The following ADGB variants were observed in gnomAD, a reference collection of about 807,000 sequenced individuals.
ADGB encodes the protein androglobin.
A neutral mutation model predicts 210.5 loss-of-function variants in ADGB; 172 were observed. The observed-to-expected ratio is 0.82, with a 90% CI of 0.72 to 0.93. ADGB has a LOEUF of 0.93. ADGB is among the 40% of genes least tolerant of loss of function. The probability of loss-of-function intolerance (pLI) is 0.00; values close to 1 mark genes in which losing one functional copy is unlikely to be tolerated. For missense variants in ADGB, 2,025 were observed against 1,964.8 expected (o/e 1.03, Z -0.58); for synonymous variants, 658 against 662.7 (o/e 0.99, Z 0.11).
chr6:146,617,725 T>C lies in ADGB; in HGVS notation c.75-17650T>C, dbSNP rs188743568. ...CATATGGTTTTTCTTCTTGATTCCA[T>C]TGATGCTATGCGTCTCTTATTGATT... On this transcript the variant is annotated intron_variant, in intron 1 of 35. Coordinates refer to ENST00000397944, the MANE Select transcript of ADGB (RefSeq NM_024694.4). Among the ~76,000 whole-genome samples the C allele has an allele frequency of 6.8e-3, 1,041 of 152,252 alleles. 8 individuals carry two copies. The highest frequency in any genetic ancestry group is 0.023 in the African/African-American group (965 of 41,558).
At chr6:146,690,744 GT>G (rs886394020) in intron 10 of ADGB, among the ~76,000 whole-genome samples, 8 of 152,026 alleles carry the variant, frequency 5.3e-5, no homozygotes, top group African/African-American at 7.2e-5. Context: ...GCAATGGCTA[GT>G]TTTTTTTAAT....
chr6:146,711,728 G>A (rs1415375465), intron 13 of ADGB, among the ~76,000 whole-genome samples: 1 of 152,012 alleles, frequency 6.6e-6, no homozygotes, highest in Non-Finnish European at 1.5e-5. Flanking sequence ...CATTGCTCTT[G>A]ATTTAAAGAT....
intron 1 of ADGB, among the ~76,000 whole-genome samples, chr6:146,617,539 AT>A (rs1359471239): frequency 4.0e-5 from 6 of 150,952 alleles, no homozygotes; most frequent in Non-Finnish European, 8.9e-5. Flanking sequence ...AAGGCTTTCA[AT>A]TTTTTTTTCC....
At chr6:146,771,303 T>C (rs1232117004) in intron 29 of ADGB, among the ~76,000 whole-genome samples, 1 of 152,108 alleles carries the variant, frequency 6.6e-6, no homozygotes, top group Admixed American at 6.6e-5. Flanking sequence ...ATGGATTATC[T>C]ACTGCTGTGA....
At chr6:146,798,165 A>G (rs1778073218) in intron 33 of ADGB, among the ~76,000 whole-genome samples, 1 of 152,176 alleles carries the variant, frequency 6.6e-6, no homozygotes. Flanking sequence ...CCTTAAAACA[A>G]ATACAAAAGG....
intron 29 of ADGB, among the ~76,000 whole-genome samples, chr6:146,773,462 AT>A (rs1403539281): frequency 6.6e-6 from 1 of 152,150 alleles, no homozygotes; most frequent in East Asian, 1.9e-4. Context: ...GTACTTTTTA[AT>A]TTTTAAACAA....
chr6:146,758,584 T>C (rs1476571650), intron 27 of ADGB, among the ~76,000 whole-genome samples: 1 of 152,002 alleles, frequency 6.6e-6, no homozygotes, highest in African/African-American at 2.4e-5. Context: ...AAAAATTGAG[T>C]GGAAGAGTAA....
chr6:146,681,011 G>A (rs1776149967), intron 9 of ADGB, among the ~76,000 whole-genome samples: 1 of 152,126 alleles, frequency 6.6e-6, no homozygotes, highest in Non-Finnish European at 1.5e-5. Flanking sequence ...GTAAAAACAA[G>A]CTGTACTGTT....
At position 146,752,838 on chromosome 6, in the gene ADGB, T is replaced by C. The variant is rs997211266; in HGVS notation, c.3550+124T>C. ...TAAATTATGAAACTTCATAGTACAG[T>C]AAAATATTACAAGTATAGCATTTGC... On this transcript the variant is annotated intron_variant, in intron 27 of 35. Coordinates refer to ENST00000397944, the MANE Select transcript of ADGB (RefSeq NM_024694.4). 4 of 840,948 alleles carry C rather than the reference T, an allele frequency of 4.8e-6. No homozygotes were observed. The Admixed American group carries it at 1.5e-4, about 31-fold the overall frequency. The allele number at this position is 840,948 out of a possible 1,614,324, so 52.1% of individuals were successfully genotyped here.
At chr6:146,672,493 A>G in intron 8 of ADGB, 26 bp downstream of exon 8, 1 of 1,515,890 alleles carries the variant, frequency 6.6e-7, no homozygotes, top group Non-Finnish European at 8.8e-7. Flanking sequence ...TCAAAATGTG[A>G]TTCAGTATGG....
At chr6:146,766,046 T>C (rs757301628) in intron 28 of ADGB, among the ~76,000 whole-genome samples, 1 of 151,402 alleles carries the variant, frequency 6.6e-6, no homozygotes. Flanking sequence ...AGGGTGGAGG[T>C]GTAACAACAG....
intron 8 of ADGB, among the ~76,000 whole-genome samples, chr6:146,674,263 T>A (rs1776054826): frequency 6.6e-6 from 1 of 152,120 alleles, no homozygotes. Flanking sequence ...AAGCTTGTCC[T>A]TGAAGAACAG....
intron 29 of ADGB, among the ~76,000 whole-genome samples, chr6:146,772,620 ATATT>A (rs1362856447): frequency 6.8e-6 from 1 of 147,394 alleles, no homozygotes; most frequent in Non-Finnish European, 1.5e-5. Flanking sequence ...TATATATTAT[ATATT>A]ATATTTATAT....
At chr6:146,742,177 G>A (rs1432236422) in intron 25 of ADGB, among the ~76,000 whole-genome samples, 2 of 151,924 alleles carry the variant, frequency 1.3e-5, no homozygotes, top group African/African-American at 4.8e-5. Flanking sequence ...TTAAAAATAA[G>A]GGCAATTAAA....
At chr6:146,740,400 A>G (rs1013118826) in intron 23 of ADGB, 59 bp from the exon 24 acceptor site, 1 of 1,368,272 alleles carries the variant, frequency 7.3e-7, no homozygotes, top group Non-Finnish European at 9.8e-7. Flanking sequence ...TTTTGTAAAT[A>G]GAGTTTATCT....
intron 35 of ADGB, among the ~76,000 whole-genome samples, chr6:146,814,400 C>G (rs1300313437): frequency 6.6e-6 from 1 of 152,138 alleles, no homozygotes; most frequent in Non-Finnish European, 1.5e-5. Flanking sequence ...TGAATAGGAG[C>G]AGCTGGTGAG....
chr6:146,757,953 G>A (rs1233985633), intron 27 of ADGB, among the ~76,000 whole-genome samples: 1 of 151,984 alleles, frequency 6.6e-6, no homozygotes, highest in East Asian at 1.9e-4. Flanking sequence ...TATAATTAGG[G>A]CACAAGTGCA....
At chr6:146,702,204 C>T (rs919131307) in intron 13 of ADGB, among the ~76,000 whole-genome samples, 6 of 151,856 alleles carry the variant, frequency 4.0e-5, no homozygotes, top group Non-Finnish European at 1.5e-5. Flanking sequence ...CATTCACCTC[C>T]TTGACCTTAC....
chr6:146,805,738 T>C (rs9390422), intron 35 of ADGB, among the ~76,000 whole-genome samples: 52,046 of 152,002 alleles, frequency 0.34, 9,825 homozygotes, highest in East Asian at 0.67. Flanking sequence ...TTATGAGATC[T>C]CTTATCTAGG....
Sources: gnomAD v4.1 joint callset for allele counts (sites outside exome capture counted in the v4.1 genomes callset) on GRCh38, gnomAD v4.1.1 for gene constraint, MANE v1.5 for transcripts, NCBI Gene and HGNC (gene_info 2026-07-23, HGNC 2026-07-21) for gene names.